Variants in AOX1 observed in about 807,000 individuals in gnomAD.
The protein encoded by AOX1 is aldehyde oxidase 1.
A neutral mutation model predicts 169.5 loss-of-function variants in AOX1; 153 were observed. That is an observed-to-expected ratio of 0.90 (90% confidence interval 0.79 to 1.03). The LOEUF (loss-of-function observed/expected upper bound fraction) is 1.03. Among genes scored for constraint, AOX1 ranks in the 50% least tolerant of loss-of-function variants. The probability of loss-of-function intolerance (pLI) is 0.00; values close to 1 mark genes in which losing one functional copy is unlikely to be tolerated. For missense variants in AOX1, 1,656 were observed against 1,663.9 expected (o/e 1.00, Z 0.08); for synonymous variants, 562 against 581.9 (o/e 0.97, Z 0.49).
intron 25 of AOX1, among the ~76,000 whole-genome samples, chr2:200,645,623 T>C (rs2035438157): frequency 6.6e-6 from 1 of 152,164 alleles, no homozygotes; most frequent in Admixed American, 6.5e-5. Flanking sequence ...CTCTATCTTG[T>C]GGAATAGTAT....
In AOX1 at chr2:200,589,133, A is replaced by C. The variant is rs572677319; in HGVS notation, c.45+2980A>C. 1.8e-4 allele frequency among the ~76,000 whole-genome samples: 27 copies of C among 152,306 alleles called. 1 individual carries two copies. The South Asian group carries it at 5.6e-3, about 32-fold the overall frequency. ...AAAATAGGTGACATGATTGGCTTCT[A>C]TTCTGCTTTTTGCTAAATTTTCTCA... On this transcript the variant is annotated intron_variant, in intron 1 of 34. Transcript: ENST00000374700.
Position 200,613,974 on chromosome 2 carries a change from A to G in AOX1, c.1611+8A>G, listed in dbSNP as rs1297074765. 6.2e-7 allele frequency: 1 copy of G among 1,611,150 alleles called. No individual in the cohort carries two copies. ...CAGATTTTGAAAAAGATGGTAAACA[A>G]CTGTTTACACATTAACTTCCCCAGT... On this transcript the variant is annotated splice_region_variant and intron_variant, in intron 15 of 34. Transcript: ENST00000374700.
At chr2:200,600,957 G>A (rs1003976772) in intron 5 of AOX1, among the ~76,000 whole-genome samples, 1 of 151,962 alleles carries the variant, frequency 6.6e-6, no homozygotes, top group African/African-American at 2.4e-5. Flanking sequence ...TGGGAGAAAC[G>A]CTGGCCTGAT....
At chr2:200,645,477 T>G (rs1208690992) in intron 25 of AOX1, among the ~76,000 whole-genome samples, 1 of 152,224 alleles carries the variant, frequency 6.6e-6, no homozygotes, top group East Asian at 1.9e-4. Flanking sequence ...TAGCTAGTAT[T>G]TTGTTAAAGA....
intron 28 of AOX1, among the ~76,000 whole-genome samples, chr2:200,659,599 A>G (rs904921700): frequency 6.6e-6 from 1 of 152,202 alleles, no homozygotes; most frequent in Non-Finnish European, 1.5e-5. Flanking sequence ...CCCAGGGCCG[A>G]TGCAGGACTT....
At chr2:200,603,920 G>A in intron 7 of AOX1, 97 bp from the exon 8 acceptor site, 1 of 818,140 alleles carries the variant, frequency 1.2e-6, no homozygotes, top group Non-Finnish European at 2.0e-6. Context: ...TTGTCGGTTT[G>A]CTGTATCTGA....
In AOX1 at chr2:200,613,784, C is replaced by T. The variant is rs112304182; in HGVS notation, c.1449-20C>T. The T allele has an allele frequency of 4.7e-3, 7,561 of 1,606,898 alleles. 318 individuals carry two copies. In the African/African-American group the frequency reaches 0.09, roughly 19 times the overall value. On this transcript the variant is annotated intron_variant, in intron 14 of 34. Coordinates refer to ENST00000374700, the MANE Select transcript of AOX1 (RefSeq NM_001159.4). ...TAATAAACCCTGTCAGGCTAGGAGT[C>T]TTCTCTTTGGACTTTCCAGGCACTG...
At chr2:200,608,171 A>G (rs953533365) in intron 10 of AOX1, among the ~76,000 whole-genome samples, 1 of 152,212 alleles carries the variant, frequency 6.6e-6, no homozygotes, top group African/African-American at 2.4e-5. Context: ...AGCATAAAAA[A>G]AAAGAATGAT....
chr2:200,627,998 G>T (rs2035041289), intron 20 of AOX1, among the ~76,000 whole-genome samples: 1 of 150,700 alleles, frequency 6.6e-6, no homozygotes, highest in African/African-American at 2.4e-5. Context: ...CTTTCTTCCA[G>T]ACTTCTTTGC....
intron 4 of AOX1, 83 bp downstream of exon 4, chr2:200,597,588 C>A: frequency 1.0e-6 from 1 of 990,194 alleles, no homozygotes; most frequent in Non-Finnish European, 1.5e-6. Context: ...GAGAGCGGAG[C>A]AGCCTGGGGC....
At chr2:200,673,495 CTCTT>C (rs1158792592), downstream of AOX1, among the ~76,000 whole-genome samples, 1 of 152,224 alleles carries the variant, frequency 6.6e-6, no homozygotes, top group Non-Finnish European at 1.5e-5. Context: ...GCCTCTCCCT[CTCTT>C]TATTTCCATA....
In AOX1 at chr2:200,630,548, GAGGAAGGAAGGA is replaced by G. The variant is rs67400406; in HGVS notation, c.2221+3140_2221+3151del. Among the ~76,000 whole-genome samples the G allele has an allele frequency of 7.8e-3, 936 of 120,602 alleles. 18 individuals carry two copies. Among genetic ancestry groups the G allele is most frequent in the African/African-American group, 0.027 (851 of 31,394 alleles). The allele number at this position is 120,602 out of a possible 152,430, so 79.1% of individuals were successfully genotyped here. Reference sequence around the variant, plus strand: ...AAAAGATGGATGGATGGAAGGAAGGGAGGAAGGAAGGAAGGAAGGAAGGAAGGAAGGAAGGAA... The same window carrying G: ...AAAAGATGGATGGATGGAAGGAAGGGAGGAAGGAAGGAAGGAAGGAAGGAA... On this transcript the variant is annotated intron_variant, in intron 20 of 34. Transcript: ENST00000374700.
At chr2:200,603,422 G>C (rs1455193570) in intron 7 of AOX1, 66 bp downstream of exon 7, 2 of 1,315,690 alleles carry the variant, frequency 1.5e-6, no homozygotes, top group Non-Finnish European at 2.2e-6. Flanking sequence ...CATACTCTTA[G>C]GAAGAACAAA....
chr2:200,602,174 G>A (rs1184733812), intron 5 of AOX1, 110 bp from the exon 6 acceptor site: 1 of 805,978 alleles, frequency 1.2e-6, no homozygotes, highest in Non-Finnish European at 2.0e-6. Flanking sequence ...GGACTAAAAT[G>A]TCAAACAGAT....
chr2:200,602,084 G>A (rs545622355), intron 5 of AOX1, among the ~76,000 whole-genome samples, 200 bp from the exon 6 acceptor site: 1 of 152,088 alleles, frequency 6.6e-6, no homozygotes, highest in Admixed American at 6.5e-5. Context: ...ACAAATACCT[G>A]AGCTTTTAAA....
At chr2:200,655,061 C>T (rs557013704) in intron 26 of AOX1, among the ~76,000 whole-genome samples, 1 of 152,228 alleles carries the variant, frequency 6.6e-6, no homozygotes, top group African/African-American at 2.4e-5. Flanking sequence ...GGGCCAAGTC[C>T]AACTATGAAT....
At chr2:200,592,994 G>A in intron 1 of AOX1, 152 bp from the exon 2 acceptor site, 1 of 627,296 alleles carries the variant, frequency 1.6e-6, no homozygotes. Flanking sequence ...GTGGTGGTTT[G>A]CATATCACAG....
intron 18 of AOX1, among the ~76,000 whole-genome samples, chr2:200,622,809 C>A (rs1009791618): frequency 2.6e-5 from 4 of 152,248 alleles, no homozygotes; most frequent in African/African-American, 9.6e-5. Context: ...TTAAAACATT[C>A]ATTTATGGCA....
intron 13 of AOX1, among the ~76,000 whole-genome samples, chr2:200,611,807 C>G (rs146011185): frequency 1.3e-5 from 2 of 151,370 alleles, no homozygotes; most frequent in Non-Finnish European, 2.9e-5. Flanking sequence ...CAGGTTCAAG[C>G]GATCCTCCTG....
Sources: gnomAD v4.1 joint callset for allele counts (sites outside exome capture counted in the v4.1 genomes callset) on GRCh38, gnomAD v4.1.1 for gene constraint, MANE v1.5 for transcripts, NCBI Gene and HGNC (gene_info 2026-07-23, HGNC 2026-07-21) for gene names.